Variants in TMEM117 observed in about 807,000 individuals in gnomAD.
TMEM117 encodes transmembrane protein 117.
In TMEM117, 27 loss-of-function variants were observed where a neutral mutation model predicts 52.4. The observed-to-expected ratio is 0.51, with a 90% CI of 0.38 to 0.71. The LOEUF is 0.71. Ranked by LOEUF, TMEM117 falls within the 30% of genes least tolerant of loss-of-function variation. TMEM117 has a pLI of 0.00. For synonymous variants in TMEM117, 215 were observed against 206.3 expected (o/e 1.04, Z -0.36); for missense variants, 556 against 630.5 (o/e 0.88, Z 1.26).
At chr12:44,218,644 A>C (rs569247208) in intron 5 of TMEM117, among the ~76,000 whole-genome samples, 1 of 152,328 alleles carries the variant, frequency 6.6e-6, no homozygotes, top group East Asian at 1.9e-4. Context: ...AAGAAAAGGG[A>C]AACAAACAAG....
chr12:44,265,370 G>A (rs1347075400), intron 5 of TMEM117, among the ~76,000 whole-genome samples: 1 of 152,134 alleles, frequency 6.6e-6, no homozygotes, highest in African/African-American at 2.4e-5. Flanking sequence ...CACACTACTG[G>A]AAGAAGTGAG....
At chr12:43,920,076 C>T (rs1374441959) in intron 2 of TMEM117, among the ~76,000 whole-genome samples, 4 of 152,052 alleles carry the variant, frequency 2.6e-5, no homozygotes, top group African/African-American at 7.3e-5. Flanking sequence ...TCTGCAACCT[C>T]TCCTTTTTTA....
intron 5 of TMEM117, among the ~76,000 whole-genome samples, chr12:44,245,922 TC>T (rs1203854795): frequency 6.6e-6 from 1 of 152,126 alleles, no homozygotes; most frequent in Non-Finnish European, 1.5e-5. Flanking sequence ...GTACATAGCA[TC>T]AAAATAACTC....
intron 6 of TMEM117, among the ~76,000 whole-genome samples, chr12:44,366,830 A>T (rs1951796175): frequency 6.6e-6 from 1 of 152,150 alleles, no homozygotes; most frequent in Admixed American, 6.6e-5. Context: ...TTCAAGACAC[A>T]GTGAACTTAA....
intron 3 of TMEM117, among the ~76,000 whole-genome samples, chr12:44,138,843 T>C (rs1461086228): frequency 6.6e-6 from 1 of 152,168 alleles, no homozygotes; most frequent in African/African-American, 2.4e-5. Context: ...ATTTGGATAA[T>C]AGTCGAGTAA....
chr12:44,143,493 C>A, intron 3 of TMEM117, 32 bp from the exon 4 acceptor site: 2 of 1,549,086 alleles, frequency 1.3e-6, no homozygotes, highest in South Asian at 1.1e-5. Flanking sequence ...CTCTCTGAGT[C>A]CGGACAATGT....
intron 3 of TMEM117, among the ~76,000 whole-genome samples, chr12:43,974,548 G>C (rs750578192): frequency 2.6e-5 from 4 of 152,030 alleles, no homozygotes; most frequent in African/African-American, 4.8e-5. Context: ...CTTTAGATCG[G>C]TTAACACCTG....
intron 6 of TMEM117, among the ~76,000 whole-genome samples, chr12:44,344,859 G>T (rs1215476582): frequency 3.3e-5 from 5 of 151,942 alleles, no homozygotes; most frequent in Non-Finnish European, 1.5e-5. Context: ...AAAGGTCAAG[G>T]TTCTGCCCAG....
chr12:44,009,473 G>T, intron 3 of TMEM117: 1 of 224,044 alleles, frequency 4.5e-6, no homozygotes, highest in East Asian at 1.4e-4. Flanking sequence ...GATGAGCTGA[G>T]ATGCCATCTT....
At position 44,043,899 on chromosome 12, in the gene TMEM117, G is replaced by A. The variant is rs568213089; in HGVS notation, c.410+99557G>A. Among the ~76,000 whole-genome samples, 5 of 152,290 alleles carry A rather than the reference G, an allele frequency of 3.3e-5. No individual in the cohort carries two copies. The South Asian group carries it at 8.3e-4, about 25-fold the overall frequency. On this transcript the variant is annotated intron_variant, in intron 3 of 7. Coordinates refer to ENST00000266534, the MANE Select transcript of TMEM117 (RefSeq NM_032256.3). ...GGATCGGGCTGAATTTATTGATTTG[G>A]GCCCGCTAAGTAGGGACTCTGCATT...
chr12:44,203,776 A>G (rs1949528554), intron 4 of TMEM117, among the ~76,000 whole-genome samples: 1 of 152,146 alleles, frequency 6.6e-6, no homozygotes, highest in African/African-American at 2.4e-5. Flanking sequence ...TCTTCTTGAT[A>G]TTGATTTCTA....
At chr12:43,822,238 A>AT in the TMEM117 span, among the ~76,000 whole-genome samples, 1 of 152,250 alleles carries the variant, frequency 6.6e-6, no homozygotes, top group East Asian at 1.9e-4. Flanking sequence ...GTGAGCCCAG[A>AT]TAATTACCCA....
chr12:44,029,655 C>T (rs1453522880), intron 3 of TMEM117, among the ~76,000 whole-genome samples: 1 of 152,134 alleles, frequency 6.6e-6, no homozygotes. Context: ...TGGTAAAAAT[C>T]ATTGTTTATT....
intron 6 of TMEM117, among the ~76,000 whole-genome samples, chr12:44,302,128 T>C (rs1229962894): frequency 1.3e-5 from 2 of 152,220 alleles, no homozygotes; most frequent in Non-Finnish European, 2.9e-5. Context: ...CTCTATACTA[T>C]TTAATCTCCT....
At chr12:44,038,852 G>A (rs1255814264) in intron 3 of TMEM117, among the ~76,000 whole-genome samples, 3 of 152,008 alleles carry the variant, frequency 2.0e-5, no homozygotes. Flanking sequence ...TCTGCAAATT[G>A]TGGCCATTTC....
At chr12:44,350,396 A>G (rs1214052017) in intron 6 of TMEM117, among the ~76,000 whole-genome samples, 2 of 151,992 alleles carry the variant, frequency 1.3e-5, no homozygotes, top group Non-Finnish European at 2.9e-5. Context: ...TTTAAACACA[A>G]TCCAACTATA....
intron 2 of TMEM117, among the ~76,000 whole-genome samples, chr12:43,885,495 T>A (rs1943977875): frequency 6.6e-6 from 1 of 151,386 alleles, no homozygotes; most frequent in Non-Finnish European, 1.5e-5. Context: ...TGTGAATTCA[T>A]TGTAAAACAT....
At chr12:44,043,329 G>A (rs2137903135) in intron 3 of TMEM117, among the ~76,000 whole-genome samples, 1 of 152,286 alleles carries the variant, frequency 6.6e-6, no homozygotes, top group Admixed American at 6.5e-5. Flanking sequence ...TGGCTGACCT[G>A]CAACGAAAGA....
At chr12:44,139,880 CTTG>C (rs1162124186) in intron 3 of TMEM117, among the ~76,000 whole-genome samples, 5 of 152,058 alleles carry the variant, frequency 3.3e-5, no homozygotes, top group Middle Eastern at 3.2e-3. Flanking sequence ...ATATGCCTGT[CTTG>C]TTGTTTACAA....
Sources: allele counts gnomAD v4.1 joint callset (sites outside exome capture counted in the v4.1 genomes callset), GRCh38; gene constraint gnomAD v4.1.1; transcripts MANE v1.5; gene names NCBI Gene and HGNC (gene_info 2026-07-23, HGNC 2026-07-21).